The following EFHC2 variants were observed in gnomAD, a reference collection of about 807,000 sequenced individuals.
EFHC2 encodes the protein EF-hand domain-containing family member C2.
EFHC2 carries 18 observed loss-of-function variants against 52.7 expected under a neutral mutation model. The ratio of observed to expected loss-of-function variants is 0.34; its 90% CI spans 0.24 to 0.51. The LOEUF (loss-of-function observed/expected upper bound fraction) is 0.51, where lower values mean the gene tolerates loss of function less well. EFHC2 is among the 20% of genes least tolerant of loss of function. EFHC2 has a pLI of 0.97. For synonymous variants in EFHC2, 203 were observed against 204.1 expected (o/e 0.99, Z 0.04); for missense variants, 513 against 562.5 (o/e 0.91, Z 0.89).
chrX:44,242,023 G>T, intron 8 of EFHC2, 98 bp downstream of exon 8: 1 of 856,636 alleles, frequency 1.2e-6, no homozygotes, highest in South Asian at 3.4e-5. Context: ...CTTGCAATTA[G>T]ATGAGCTGCG....
At chrX:44,214,668 G>A (rs1369942767) in intron 11 of EFHC2, among the ~76,000 whole-genome samples, 1 of 112,190 alleles carries the variant, frequency 8.9e-6, no homozygotes, top group Non-Finnish European at 1.9e-5. Flanking sequence ...ATCTACATAA[G>A]GAAAGATAGT....
chrX:44,210,366 T>C (rs2037086255), intron 11 of EFHC2, among the ~76,000 whole-genome samples: 1 of 112,252 alleles, frequency 8.9e-6, no homozygotes, highest in Admixed American at 9.4e-5. Flanking sequence ...AAAGATCCAG[T>C]ATAGAGCCAA....
At chrX:44,176,167 CA>C in intron 13 of EFHC2, 124 bp downstream of exon 13, 1 of 529,332 alleles carries the variant, frequency 1.9e-6, no homozygotes, top group Non-Finnish European at 3.0e-6. Flanking sequence ...GGCAGGTCAC[CA>C]ATAATATAAT....
chrX:44,283,774 C>T (rs2037731174), intron 2 of EFHC2: 1 of 107,313 alleles, frequency 9.3e-6, no homozygotes, highest in African/African-American at 3.4e-5. Context: ...GGACGCCATA[C>T]CAGGCCTGGA....
Position 44,231,021 on chromosome X carries a change from C to T in EFHC2, c.1621-1242G>A, listed in dbSNP as rs186351814. Among the ~76,000 whole-genome samples the T allele has an allele frequency of 1.3e-3, 142 of 111,962 alleles. 1 individual carries two copies. Among genetic ancestry groups the T allele is most frequent in the African/African-American group, 4.3e-3 (133 of 30,814 alleles). ...AGGTTCCCAAGCCAGGCCTGCTGGTCTCCAGAAATCTAAACTCCCAATTAC... is the reference window on the plus strand; with the variant it reads ...AGGTTCCCAAGCCAGGCCTGCTGGTTTCCAGAAATCTAAACTCCCAATTAC... On this transcript the variant is annotated intron_variant, in intron 10 of 14. Coordinates refer to ENST00000420999, the MANE Select transcript of EFHC2 (RefSeq NM_025184.4).
intron 1 of EFHC2, among the ~76,000 whole-genome samples, chrX:44,316,413 T>A (rs12353785): frequency 5.8e-4 from 65 of 112,235 alleles, no homozygotes; most frequent in African/African-American, 1.8e-3. Context: ...AACCCTAGAA[T>A]AGAAGCCAGT....
chrX:44,186,672 G>A (rs1000497985), intron 11 of EFHC2, among the ~76,000 whole-genome samples: 2 of 111,427 alleles, frequency 1.8e-5, no homozygotes, highest in Admixed American at 1.9e-4. Context: ...TAAACCCACA[G>A]GTACTTATTG....
chrX:44,216,396 T>C lies in EFHC2; in HGVS notation c.1751+13253A>G, dbSNP rs756109883. 2.4e-4 allele frequency among the ~76,000 whole-genome samples: 27 copies of C among 111,983 alleles called. No homozygotes were observed. The Admixed American group carries it at 2.6e-3, about 11-fold the overall frequency. ...GTTGGTTTCTCCGTGTAGCCTGGGC[T>C]TCTTCATAGCATAGTAGCCTCAAGG... On this transcript the variant is annotated intron_variant, in intron 11 of 14. Transcript: ENST00000420999.
intron 11 of EFHC2, among the ~76,000 whole-genome samples, chrX:44,219,893 G>T (rs1486509591): frequency 1.8e-5 from 2 of 111,335 alleles, no homozygotes; most frequent in Non-Finnish European, 3.8e-5. Context: ...AGAACATTCT[G>T]CCAGCATCTG....
chrX:44,325,982 T>C (rs1487964747), intron 1 of EFHC2, among the ~76,000 whole-genome samples: 4 of 107,695 alleles, frequency 3.7e-5, no homozygotes, highest in Non-Finnish European at 7.7e-5. Flanking sequence ...GGCCTTGACT[T>C]CCTGGGCTCA....
intron 2 of EFHC2, chrX:44,310,287 G>A: frequency 9.8e-7 from 1 of 1,023,918 alleles, no homozygotes; most frequent in Non-Finnish European, 1.4e-6. Flanking sequence ...CACGCCGGGG[G>A]CAGCTGCTTT....
At chrX:44,261,472 A>G (rs974726007) in intron 3 of EFHC2, among the ~76,000 whole-genome samples, 174 bp from the exon 4 acceptor site, 1 of 111,353 alleles carries the variant, frequency 9.0e-6, no homozygotes, top group Non-Finnish European at 1.9e-5. Context: ...ATGAGCTGAG[A>G]TTTCTGAGGT....
chrX:44,151,468 A>C (rs1159743303), intron 14 of EFHC2, among the ~76,000 whole-genome samples: 1 of 111,391 alleles, frequency 9.0e-6, no homozygotes, highest in Non-Finnish European at 1.9e-5. Context: ...AATTTATTCC[A>C]TGCCTCTCTC....
chrX:44,253,734 G>A (rs2037471219), intron 4 of EFHC2, among the ~76,000 whole-genome samples: 1 of 112,208 alleles, frequency 8.9e-6, no homozygotes, highest in African/African-American at 3.2e-5. Flanking sequence ...CAGCTCTAAA[G>A]AGAGCAGCAG....
chrX:44,269,842 G>A (rs1204147124), intron 3 of EFHC2, among the ~76,000 whole-genome samples: 1 of 111,807 alleles, frequency 8.9e-6, no homozygotes, highest in Non-Finnish European at 1.9e-5. Flanking sequence ...AGCTGACAGT[G>A]ACAGTAACTA....
intron 3 of EFHC2, among the ~76,000 whole-genome samples, chrX:44,265,835 T>G (rs1404723645): frequency 8.9e-6 from 1 of 111,912 alleles, no homozygotes; most frequent in Non-Finnish European, 1.9e-5. Context: ...TTTTCTAAAA[T>G]GTCACCTTTA....
At chrX:44,175,912 G>A (rs1357418105) in intron 13 of EFHC2, among the ~76,000 whole-genome samples, 2 of 111,742 alleles carry the variant, frequency 1.8e-5, no homozygotes, top group Non-Finnish European at 3.8e-5. Flanking sequence ...AGAGCCCCAT[G>A]CTAATAACCC....
At position 44,255,987 on chromosome X, in the gene EFHC2, A is replaced by T. The variant is rs139501187; in HGVS notation, c.606+5088T>A. Among the ~76,000 whole-genome samples, 1,044 of 112,042 alleles carry T rather than the reference A, an allele frequency of 9.3e-3. 16 individuals are homozygous for T. The highest frequency in any genetic ancestry group is 0.032 in the African/African-American group (996 of 30,781). Reference sequence around the variant, plus strand: ...TAAGAAACTCACTCAAAACCGCACAATTGCATGCAAACTGAACAACCTGCT... The same window carrying T: ...TAAGAAACTCACTCAAAACCGCACATTTGCATGCAAACTGAACAACCTGCT... On this transcript the variant is annotated intron_variant, in intron 4 of 14. Coordinates refer to ENST00000420999, the MANE Select transcript of EFHC2 (RefSeq NM_025184.4).
chrX:44,328,195 C>T (rs2038063772), intron 1 of EFHC2, among the ~76,000 whole-genome samples: 1 of 112,036 alleles, frequency 8.9e-6, no homozygotes, highest in Admixed American at 9.5e-5. Context: ...CTACACACTG[C>T]ACTTGTTTCC....
Sources: allele counts gnomAD v4.1 joint callset (sites outside exome capture counted in the v4.1 genomes callset), GRCh38; gene constraint gnomAD v4.1.1; transcripts MANE v1.5; gene names NCBI Gene and HGNC (gene_info 2026-07-23, HGNC 2026-07-21).